The following ZNF804B variants were observed in gnomAD, a reference collection of about 807,000 sequenced individuals.
ZNF804B encodes the protein zinc finger 804B.
In ZNF804B, 80 loss-of-function variants were observed where a neutral mutation model predicts 101.4. The ratio of observed to expected loss-of-function variants is 0.79; its 90% confidence interval spans 0.66 to 0.95. ZNF804B has a LOEUF of 0.95. Ranked by LOEUF, ZNF804B falls within the 40% of genes least tolerant of loss-of-function variation. The probability of loss-of-function intolerance (pLI) is 0.00; values close to 1 mark genes in which losing one functional copy is unlikely to be tolerated. For synonymous variants in ZNF804B, 622 were observed against 558.8 expected, an observed-to-expected ratio of 1.11 and a Z score of -1.59; for missense variants, 1,673 against 1,561.9, an observed-to-expected ratio of 1.07 and a Z score of -1.20.
chr7:88,838,732 T>G (rs1791252648), intron 1 of ZNF804B, among the ~76,000 whole-genome samples: 1 of 151,952 alleles, frequency 6.6e-6, no homozygotes, highest in Non-Finnish European at 1.5e-5. Context: ...GTGCCTTTGT[T>G]TCTTAATCTT....
At chr7:89,112,388 C>A (rs1206874511) in intron 1 of ZNF804B, among the ~76,000 whole-genome samples, 3 of 152,132 alleles carry the variant, frequency 2.0e-5, no homozygotes, top group Non-Finnish European at 4.4e-5. Context: ...CTTTTCCCCA[C>A]TGAATATCCT....
chr7:89,147,912 A>G (rs988188456), intron 1 of ZNF804B, among the ~76,000 whole-genome samples: 2 of 152,032 alleles, frequency 1.3e-5, no homozygotes, highest in South Asian at 4.2e-4. Flanking sequence ...GCTGAGTTGT[A>G]TAATTATTTC....
chr7:89,128,226 T>A (rs1790501336), intron 1 of ZNF804B, among the ~76,000 whole-genome samples: 1 of 151,874 alleles, frequency 6.6e-6, no homozygotes, highest in Admixed American at 6.6e-5. Flanking sequence ...TGGGTTAAAG[T>A]CCTAGACATG....
chr7:88,959,321 A>G lies in ZNF804B; in HGVS notation c.108+199237A>G, dbSNP rs1584039575. Among the ~76,000 whole-genome samples the G allele has an allele frequency of 2.0e-5, 3 of 151,404 alleles. No individual in the cohort carries two copies. The South Asian group carries it at 6.2e-4, about 31-fold the overall frequency. ...CTACATTTTACACATAAGCTTAAGT[A>G]TTAGTTAAATAAATATGTGGGTCCA... On this transcript the variant is annotated intron_variant, in intron 1 of 3. Coordinates refer to ENST00000333190, the MANE Select transcript of ZNF804B (RefSeq NM_181646.5).
intron 1 of ZNF804B, among the ~76,000 whole-genome samples, chr7:88,782,102 C>CGTGTGTGTGTGT (rs72225764): frequency 7.0e-6 from 1 of 141,992 alleles, no homozygotes; most frequent in African/African-American, 2.7e-5. Flanking sequence ...TGTGTGAGTG[C>CGTGTGTGTGTGT]GTGTGTGTGT....
At chr7:89,308,472 A>T (rs1472514164) in intron 2 of ZNF804B, among the ~76,000 whole-genome samples, 3 of 152,208 alleles carry the variant, frequency 2.0e-5, no homozygotes, top group Non-Finnish European at 4.4e-5. Flanking sequence ...ATTCCCAGTT[A>T]TTCCCTATAT....
chr7:89,326,238 G>A (rs906927004), intron 2 of ZNF804B, among the ~76,000 whole-genome samples: 2 of 151,902 alleles, frequency 1.3e-5, no homozygotes, highest in African/African-American at 2.4e-5. Context: ...CTTGTTCTTT[G>A]TGCTGAGAAT....
chr7:88,772,523 C>T (rs2246562), intron 1 of ZNF804B, among the ~76,000 whole-genome samples: 72,085 of 151,906 alleles, frequency 0.47, 20,581 homozygotes, highest in East Asian at 0.79. Context: ...GGTGGATTTA[C>T]ATAGTACATA....
At chr7:88,868,403 T>C (rs148412503) in intron 1 of ZNF804B, among the ~76,000 whole-genome samples, 114 of 152,316 alleles carry the variant, frequency 7.5e-4, no homozygotes, top group African/African-American at 2.6e-3. Context: ...TAATCTATTA[T>C]TTTCTCATTA....
At chr7:88,829,903 CTT>C (rs1329855918) in intron 1 of ZNF804B, among the ~76,000 whole-genome samples, 5 of 152,126 alleles carry the variant, frequency 3.3e-5, no homozygotes, top group Non-Finnish European at 7.4e-5. Context: ...TTTTAGTCCT[CTT>C]TATTTACCTT....
chr7:88,884,358 T>C (rs1369444665), intron 1 of ZNF804B, among the ~76,000 whole-genome samples: 1 of 151,806 alleles, frequency 6.6e-6, no homozygotes, highest in African/African-American at 2.4e-5. Context: ...ATGTATCTTG[T>C]TCATTTTTAT....
chr7:88,794,764 A>G, intron 1 of ZNF804B: 1 of 1,613,552 alleles, frequency 6.2e-7, no homozygotes, highest in Non-Finnish European at 8.5e-7. Context: ...TTTTCTTTCT[A>G]CATTTGCTTG....
intron 1 of ZNF804B, among the ~76,000 whole-genome samples, chr7:89,097,568 T>C (rs1789988262): frequency 6.6e-6 from 1 of 152,238 alleles, no homozygotes; most frequent in Non-Finnish European, 1.5e-5. Context: ...AGCAGTTCAA[T>C]CATTATATGG....
intron 1 of ZNF804B, among the ~76,000 whole-genome samples, chr7:89,118,214 A>C (rs1263275372): frequency 2.6e-5 from 4 of 152,114 alleles, no homozygotes; most frequent in African/African-American, 7.2e-5. Context: ...TCATATTCCC[A>C]TTTTAAAGTT....
chr7:89,113,829 A>G (rs568716226), intron 1 of ZNF804B, among the ~76,000 whole-genome samples: 1 of 152,036 alleles, frequency 6.6e-6, no homozygotes, highest in South Asian at 2.1e-4. Flanking sequence ...CATGCCTGTA[A>G]TCCTAGCTAT....
intron 1 of ZNF804B, among the ~76,000 whole-genome samples, chr7:88,786,791 T>A (rs1049229037): frequency 2.0e-5 from 3 of 152,174 alleles, no homozygotes; most frequent in Admixed American, 2.0e-4. Flanking sequence ...ATGGCCTGTT[T>A]ATGAGATTGC....
At chr7:89,102,999 G>T (rs1206166150) in intron 1 of ZNF804B, among the ~76,000 whole-genome samples, 1 of 135,784 alleles carries the variant, frequency 7.4e-6, no homozygotes, top group Admixed American at 7.5e-5. Flanking sequence ...GTTATAGACA[G>T]TGGTTTTATT....
intron 1 of ZNF804B, among the ~76,000 whole-genome samples, chr7:89,047,798 C>T (rs923369239): frequency 7.2e-5 from 11 of 152,046 alleles, no homozygotes; most frequent in African/African-American, 2.7e-4. Context: ...TGTGCATTCT[C>T]TCTAGACTGT....
At chr7:88,770,413 T>C (rs943891412) in intron 1 of ZNF804B, among the ~76,000 whole-genome samples, 1 of 152,182 alleles carries the variant, frequency 6.6e-6, no homozygotes, top group Non-Finnish European at 1.5e-5. Flanking sequence ...GGAATGCAAG[T>C]GACTTCTTGA....
Sources: allele counts gnomAD v4.1 joint callset (sites outside exome capture counted in the v4.1 genomes callset), GRCh38; gene constraint gnomAD v4.1.1; transcripts MANE v1.5; gene names NCBI Gene and HGNC (gene_info 2026-07-23, HGNC 2026-07-21).